Variants in TRERF1 observed in about 807,000 individuals in gnomAD.
TRERF1 encodes the protein transcriptional-regulating factor 1.
Under a neutral mutation model 122.9 loss-of-function variants are expected in TRERF1, and 27 were observed. The observed-to-expected ratio is 0.22, with a 90% CI of 0.16 to 0.30. The LOEUF (loss-of-function observed/expected upper bound fraction) is 0.30. TRERF1 is among the 10% of genes least tolerant of loss of function. The pLI is 1.00. For synonymous variants in TRERF1, 636 were observed against 641.7 expected, an observed-to-expected ratio of 0.99 and a Z score of 0.13; for missense variants, 1,248 against 1,560.3, an observed-to-expected ratio of 0.80 and a Z score of 3.37.
At chr6:42,430,602 T>C (rs535859390) in intron 2 of TRERF1, among the ~76,000 whole-genome samples, 69 of 152,002 alleles carry the variant, frequency 4.5e-4, no homozygotes, top group African/African-American at 1.6e-3. Context: ...ATACAAAAAT[T>C]AGCCAGTCGT....
intron 2 of TRERF1, among the ~76,000 whole-genome samples, chr6:42,379,655 C>T (rs1775565413): frequency 6.6e-6 from 1 of 152,160 alleles, no homozygotes; most frequent in East Asian, 1.9e-4. Context: ...CTCAGCCTCC[C>T]AAGCAGCTGG....
At chr6:42,409,304 A>G (rs1343519824) in intron 2 of TRERF1, among the ~76,000 whole-genome samples, 1 of 152,074 alleles carries the variant, frequency 6.6e-6, no homozygotes, top group African/African-American at 2.4e-5. Flanking sequence ...AATGTCTTCC[A>G]TTCATTTAGA....
chr6:42,451,128 T>C (rs1184484770), intron 2 of TRERF1, 49 bp downstream of exon 2: 1 of 149,780 alleles, frequency 6.7e-6, no homozygotes, highest in Non-Finnish European at 1.5e-5. Context: ...TCGAGGAGCA[T>C]CCCCAAACTA....
chr6:42,247,124 G>T (rs1271194952), intron 13 of TRERF1, among the ~76,000 whole-genome samples: 1 of 152,186 alleles, frequency 6.6e-6, no homozygotes, highest in Non-Finnish European at 1.5e-5. Flanking sequence ...CTCAGGTTAG[G>T]GCCAGGGCAG....
intron 2 of TRERF1, among the ~76,000 whole-genome samples, chr6:42,408,330 T>C (rs202246899): frequency 1.4e-5 from 2 of 142,520 alleles, no homozygotes; most frequent in African/African-American, 2.6e-5. Context: ...TGTATATATA[T>C]ATATACATAC....
intron 2 of TRERF1, among the ~76,000 whole-genome samples, chr6:42,388,227 T>C (rs1777131878): frequency 6.6e-6 from 1 of 150,676 alleles, no homozygotes; most frequent in African/African-American, 2.4e-5. Flanking sequence ...TTTCTTTCTT[T>C]TTTTTTTTTT....
intron 3 of TRERF1, among the ~76,000 whole-genome samples, chr6:42,322,535 G>A (rs1188038160): frequency 6.6e-6 from 1 of 151,910 alleles, no homozygotes; most frequent in Non-Finnish European, 1.5e-5. Flanking sequence ...TTGTATATTG[G>A]GACAGATAAC....
At chr6:42,442,926 C>T (rs758777380) in intron 2 of TRERF1, among the ~76,000 whole-genome samples, 17 of 152,138 alleles carry the variant, frequency 1.1e-4, no homozygotes, top group Non-Finnish European at 2.1e-4. Flanking sequence ...TTATATTTTC[C>T]AATTTTACTT....
chr6:42,272,131 T>A (rs953851620), intron 4 of TRERF1, among the ~76,000 whole-genome samples: 1 of 152,194 alleles, frequency 6.6e-6, no homozygotes, highest in Admixed American at 6.5e-5. Context: ...CATAAAAAAA[T>A]GTGTGTGTAA....
At chr6:42,289,423 GA>G (rs1582841198) in intron 4 of TRERF1, among the ~76,000 whole-genome samples, 469 of 147,614 alleles carry the variant, frequency 3.2e-3, no homozygotes, top group African/African-American at 4.4e-3. Flanking sequence ...GATCAAGGGT[GA>G]GCTAAGTTCT....
At chr6:42,272,710 G>A (rs1582733067) in intron 4 of TRERF1, among the ~76,000 whole-genome samples, 1 of 152,122 alleles carries the variant, frequency 6.6e-6, no homozygotes, top group Non-Finnish European at 1.5e-5. Flanking sequence ...TCCCTGTCTT[G>A]CCAGTGGGAA....
Position 42,263,194 on chromosome 6 carries a change from C to A in TRERF1, c.1884+126G>T, listed in dbSNP as rs927026763. ...CTCAGGTCAGTGACTCTGGAAGGGCCGCCCCATCTCCAAGAAAGCAAAGGG... is the reference window on the plus strand; with the variant it reads ...CTCAGGTCAGTGACTCTGGAAGGGCAGCCCCATCTCCAAGAAAGCAAAGGG... On this transcript the variant is annotated intron_variant, in intron 8 of 17. Coordinates refer to ENST00000372922, the Ensembl canonical transcript of TRERF1. The surrounding 1 kb of genome is among the most constrained non-coding windows in gnomAD (Gnocchi z 5.6). 1.0e-4 allele frequency: 147 copies of A among 1,452,894 alleles called. 2 individuals carry two copies. The South Asian group carries it at 2.0e-3, about 19-fold the overall frequency. The allele number at this position is 1,452,894 out of a possible 1,614,324, so 90.0% of individuals were successfully genotyped here.
At chr6:42,261,432 A>G (rs569769533) in intron 8 of TRERF1, among the ~76,000 whole-genome samples, 8 of 152,258 alleles carry the variant, frequency 5.3e-5, no homozygotes, top group Middle Eastern at 3.4e-3. Flanking sequence ...GATGTCATAT[A>G]TGGTTGTCAC....
rs1769991438 is a variant in TRERF1 at position 42,228,991 on chromosome 6, A to T, written c.3279-322T>A. Among the ~76,000 whole-genome samples, 1 of 152,134 alleles carries T rather than the reference A, an allele frequency of 6.6e-6. No homozygotes were observed. The highest frequency in any genetic ancestry group is 2.1e-4 in the South Asian group (1 of 4,828). Reference sequence around the variant, plus strand: ...CTCTTTCAGCCTCCCCCTTCTCCTCATCACTGACCATGCCCTCTCCACTGG... The same window carrying T: ...CTCTTTCAGCCTCCCCCTTCTCCTCTTCACTGACCATGCCCTCTCCACTGG... On this transcript the variant is annotated intron_variant, in intron 17 of 17. Transcript: ENST00000372922. This position sits in a 1 kb window ranked among gnomAD's most constrained non-coding sequence, Gnocchi z 4.2.
At position 42,441,793 on chromosome 6, in the gene TRERF1, C is replaced by T. The variant is rs1786570640; in HGVS notation, c.-454+9384G>A. Among the ~76,000 whole-genome samples, 3 of 152,138 alleles carry T rather than the reference C, an allele frequency of 2.0e-5. No homozygotes were observed. The South Asian group carries it at 6.2e-4, about 32-fold the overall frequency. On this transcript the variant is annotated intron_variant, in intron 2 of 17. Coordinates refer to ENST00000372922, the Ensembl canonical transcript of TRERF1. ...AGTGATGACCCAGTTCTGCCTTCCC[C>T]AAGCTCCCAGTCCAGAGGGGTGAAA...
intron 13 of TRERF1, among the ~76,000 whole-genome samples, chr6:42,247,682 AGAT>A (rs1775047214): frequency 6.6e-6 from 1 of 152,228 alleles, no homozygotes; most frequent in South Asian, 2.1e-4. Context: ...CACGATATGC[AGAT>A]AATAATATAA....
At chr6:42,348,332 C>A (rs1768741007) in intron 3 of TRERF1, among the ~76,000 whole-genome samples, 1 of 152,144 alleles carries the variant, frequency 6.6e-6, no homozygotes, top group African/African-American at 2.4e-5. Flanking sequence ...CAGCTCACTG[C>A]AACCTTTGTC....
At chr6:42,403,402 C>A (rs1412909677) in intron 2 of TRERF1, among the ~76,000 whole-genome samples, 1 of 152,098 alleles carries the variant, frequency 6.6e-6, no homozygotes, top group Non-Finnish European at 1.5e-5. Flanking sequence ...CACACACATA[C>A]ACACACACTC....
At chr6:42,277,905 G>GGAAGAAGGAAGAAGAAGAAGAA (rs1554141678) in intron 4 of TRERF1, among the ~76,000 whole-genome samples, 9 of 85,082 alleles carry the variant, frequency 1.1e-4, no homozygotes, top group Non-Finnish European at 1.4e-4. Flanking sequence ...GAAGGAAGAA[G>GGAAGAAGGAAGAAGAAGAAGAA]GAAGAAGAAG....
Sources: gnomAD v4.1 joint callset for allele counts (sites outside exome capture counted in the v4.1 genomes callset) on GRCh38, gnomAD v4.1.1 for gene constraint, Gnocchi (gnomAD v3.1) non-coding constraint, MANE v1.5 for transcripts, NCBI Gene and HGNC (gene_info 2026-07-23, HGNC 2026-07-21) for gene names.